The following UBE2E2 variants were observed in gnomAD, a reference collection of about 807,000 sequenced individuals.
UBE2E2 encodes ubiquitin conjugating enzyme E2 E2, also known as ubiquitin-conjugating enzyme E2 E2.
UBE2E2 carries 6 observed loss-of-function variants against 24.7 expected under a neutral mutation model. The ratio of observed to expected loss-of-function variants is 0.24; its 90% CI spans 0.13 to 0.48. The LOEUF (loss-of-function observed/expected upper bound fraction) is 0.48. Among genes scored for constraint, UBE2E2 ranks in the 20% least tolerant of loss-of-function variants. The pLI, the probability that UBE2E2 is intolerant of heterozygous loss-of-function variation, is 0.99. For missense variants in UBE2E2, 169 were observed against 245.0 expected, an observed-to-expected ratio of 0.69 and a Z score of 2.07; for synonymous variants, 104 against 83.6, an observed-to-expected ratio of 1.24 and a Z score of -1.33.
intron 3 of UBE2E2, among the ~76,000 whole-genome samples, chr3:23,395,824 T>A (rs1697060089): frequency 6.6e-6 from 1 of 152,184 alleles, no homozygotes; most frequent in Non-Finnish European, 1.5e-5. Context: ...GTGTGATGAT[T>A]ATTTCAGAGC....
intron 3 of UBE2E2, among the ~76,000 whole-genome samples, chr3:23,278,403 G>A (rs994553201): frequency 2.0e-5 from 3 of 152,050 alleles, no homozygotes; most frequent in Non-Finnish European, 4.4e-5. Context: ...GGTCTTCATT[G>A]TAAGACAATA....
chr3:23,262,674 A>T (rs961700915), intron 3 of UBE2E2, among the ~76,000 whole-genome samples: 4 of 151,698 alleles, frequency 2.6e-5, no homozygotes, highest in Non-Finnish European at 4.4e-5. Flanking sequence ...CCCTTATTAG[A>T]TGTATGGTTT....
At chr3:23,462,899 C>T (rs553182727) in intron 3 of UBE2E2, among the ~76,000 whole-genome samples, 23 of 152,206 alleles carry the variant, frequency 1.5e-4, no homozygotes, top group South Asian at 1.4e-3. Context: ...GTTTCCTTGT[C>T]TGTAAAATTC....
intron 5 of UBE2E2, among the ~76,000 whole-genome samples, chr3:23,568,614 CACACACATATATATATGTATACATATAT>C (rs1450229176): frequency 7.8e-4 from 1 of 1,278 alleles, no homozygotes; most frequent in East Asian, 0.083. Flanking sequence ...TACATATATA[CACACACATATATATATGTATACATATAT>C]ACGCACATAT....
intron 4 of UBE2E2, among the ~76,000 whole-genome samples, chr3:23,504,144 A>G (rs922975032): frequency 6.6e-6 from 1 of 152,218 alleles, no homozygotes; most frequent in Non-Finnish European, 1.5e-5. Context: ...ATATATATAC[A>G]TAAACACACA....
chr3:23,407,737 C>T lies in UBE2E2; in HGVS notation c.228-91871C>T, dbSNP rs927446719. On this transcript the variant is annotated intron_variant, in intron 3 of 5. Transcript: ENST00000396703. The surrounding 1 kb of genome is among the most constrained non-coding windows in gnomAD (Gnocchi z 4.0). ...GGCTTTATGCCGTTTTACTCCTAAA[C>T]CTCTGTACATCTCAAATAAAACCTA... 4.0e-5 allele frequency among the ~76,000 whole-genome samples: 6 copies of T among 149,430 alleles called. No individual in the cohort carries two copies. The highest frequency in any genetic ancestry group is 7.4e-5 in the Non-Finnish European group (5 of 67,376).
rs562607873 is a variant in UBE2E2, at chr3:23,309,431, C to T, written c.227+92119C>T. On this transcript the variant is annotated intron_variant, in intron 3 of 5. Transcript: ENST00000396703. ...ATTCATTGGCAACTACATCATCAGC[C>T]GGGCCTGGGGCTATGATGGTGAAGA... Among the ~76,000 whole-genome samples the T allele has an allele frequency of 3.3e-5, 5 of 152,254 alleles. No homozygotes were observed. The South Asian group carries it at 6.2e-4, about 19-fold the overall frequency.
intron 3 of UBE2E2, among the ~76,000 whole-genome samples, chr3:23,313,416 C>T (rs1462387791): frequency 5.0e-5 from 6 of 120,466 alleles, no homozygotes; most frequent in African/African-American, 1.3e-4. Context: ...GAGGGCATCT[C>T]GCTCTGTTCC....
chr3:23,298,049 A>G (rs1198979551), intron 3 of UBE2E2, among the ~76,000 whole-genome samples: 3 of 151,886 alleles, frequency 2.0e-5, no homozygotes, highest in African/African-American at 2.4e-5. Context: ...CTTTGAAGCA[A>G]TTGTGAATGG....
chr3:23,587,793 G>T (rs1349119954), intron 5 of UBE2E2, among the ~76,000 whole-genome samples: 1 of 152,168 alleles, frequency 6.6e-6, no homozygotes, highest in East Asian at 1.9e-4. Context: ...GACTGGACTG[G>T]GTGAAATGGT....
intron 3 of UBE2E2, among the ~76,000 whole-genome samples, chr3:23,367,610 T>C (rs1696293980): frequency 6.6e-6 from 1 of 152,184 alleles, no homozygotes; most frequent in Non-Finnish European, 1.5e-5. Context: ...CTATATCCCT[T>C]GCAGTATCTA....
intron 5 of UBE2E2, among the ~76,000 whole-genome samples, chr3:23,586,943 G>C (rs1250510596): frequency 1.3e-5 from 2 of 151,436 alleles, no homozygotes; most frequent in African/African-American, 4.9e-5. Context: ...TAGAAGTGTA[G>C]GAAGAAAACA....
rs969665288 is a variant in UBE2E2 at position 23,274,362 on chromosome 3, T to C, written c.227+57050T>C. 2.0e-5 allele frequency among the ~76,000 whole-genome samples: 3 copies of C among 152,060 alleles called. No individual in the cohort carries two copies. In the East Asian group the frequency reaches 5.8e-4, roughly 29 times the overall value. On this transcript the variant is annotated intron_variant, in intron 3 of 5. Coordinates refer to ENST00000396703, the MANE Select transcript of UBE2E2 (RefSeq NM_152653.4). ...CCTTTCCTGGAAGGTCTTTCTGTTA[T>C]ATGAACAGAGTGACGAGTCCCTCTC...
At chr3:23,306,708 G>A (rs1699246000) in intron 3 of UBE2E2, among the ~76,000 whole-genome samples, 1 of 152,148 alleles carries the variant, frequency 6.6e-6, no homozygotes, top group Non-Finnish European at 1.5e-5. Context: ...ATTCTTCCAT[G>A]AGGAATGGCA....
intron 3 of UBE2E2, among the ~76,000 whole-genome samples, chr3:23,256,891 G>C (rs1330941926): frequency 1.1e-4 from 16 of 152,186 alleles, no homozygotes; most frequent in Non-Finnish European, 1.8e-4. Context: ...GGTCTAGCTT[G>C]AGTAATATGC....
chr3:23,524,436 T>G (rs1694944823), intron 4 of UBE2E2, among the ~76,000 whole-genome samples: 1 of 152,188 alleles, frequency 6.6e-6, no homozygotes, highest in Non-Finnish European at 1.5e-5. Context: ...TTTGTGTACT[T>G]CAGTCTTCAC....
chr3:23,390,691 GC>G (rs1444145884), intron 3 of UBE2E2, among the ~76,000 whole-genome samples: 1 of 152,154 alleles, frequency 6.6e-6, no homozygotes. Flanking sequence ...TGGGGCCAGA[GC>G]CCAAAAGCAC....
At position 23,353,391 on chromosome 3, in the gene UBE2E2, T is replaced by A. The variant is rs536602492; in HGVS notation, c.227+136079T>A. Among the ~76,000 whole-genome samples, 867 of 151,398 alleles carry A rather than the reference T, an allele frequency of 5.7e-3. 12 individuals carry two copies. Among genetic ancestry groups the A allele is most frequent in the African/African-American group, 0.019 (793 of 40,786 alleles). ...GTGTTGGAAGTTCTGGCCAGGGCAGTTAGGCAGGAGAAGGAAATAAAGGGT... is the reference window on the plus strand; with the variant it reads ...GTGTTGGAAGTTCTGGCCAGGGCAGATAGGCAGGAGAAGGAAATAAAGGGT... On this transcript the variant is annotated intron_variant, in intron 3 of 5. Transcript: ENST00000396703.
At chr3:23,323,407 A>G (rs1191605748) in intron 3 of UBE2E2, 3 of 270,166 alleles carry the variant, frequency 1.1e-5, no homozygotes, top group Non-Finnish European at 2.2e-5. Flanking sequence ...AAGAAGACCA[A>G]TTTGGGTCAT....
Sources: gnomAD v4.1 joint callset for allele counts (sites outside exome capture counted in the v4.1 genomes callset) on GRCh38, gnomAD v4.1.1 for gene constraint, Gnocchi (gnomAD v3.1) non-coding constraint, MANE v1.5 for transcripts, NCBI Gene and HGNC (gene_info 2026-07-23, HGNC 2026-07-21) for gene names.